SCEL: variants seen among roughly 807,000 people sequenced by gnomAD.
The protein encoded by SCEL is sciellin.
In SCEL, 113 loss-of-function variants were observed where a neutral mutation model predicts 117.6. The observed-to-expected ratio is 0.96, with a 90% CI of 0.83 to 1.12. The LOEUF is 1.12. Ranked by LOEUF, SCEL falls within the 50% of genes most tolerant of loss-of-function variation. The pLI, the probability that SCEL is intolerant of heterozygous loss-of-function variation, is 0.00. For missense variants in SCEL, 785 were observed against 810.8 expected (o/e 0.97, Z 0.39); for synonymous variants, 270 against 256.2 (o/e 1.05, Z -0.51).
At position 77,567,628 on chromosome 13, in the gene SCEL, A is replaced by G. The variant is rs918172021; in HGVS notation, c.291-52A>G. The G allele has an allele frequency of 5.0e-5, 62 of 1,248,644 alleles. No homozygotes were observed. In the Middle Eastern group the frequency reaches 1.9e-3, roughly 38 times the overall value. The allele number at this position is 1,248,644 out of a possible 1,614,324, so 77.3% of individuals were successfully genotyped here. ...TCTAGCATGAAAATGGTCTGAAAGG[A>G]GTTTGATAATTTAAATATTTATCCA... On this transcript the variant is annotated intron_variant, in intron 5 of 32. Coordinates refer to ENST00000349847, the MANE Select transcript of SCEL (RefSeq NM_144777.3).
intron 29 of SCEL, among the ~76,000 whole-genome samples, chr13:77,634,842 T>C (rs773145104): frequency 2.6e-5 from 4 of 152,166 alleles, no homozygotes; most frequent in Non-Finnish European, 5.9e-5. Context: ...CAATCTAAAA[T>C]AAGGGGTATA....
In SCEL at chr13:77,555,856, G is replaced by T; in HGVS notation, c.-19-1G>T. On this transcript the variant is annotated splice_acceptor_variant, in intron 1 of 32. Transcript: ENST00000349847. LOFTEE classifies it low-confidence loss of function (5UTR_SPLICE). ...TTCTCTATTTCCCATTTTTCTTTTA[G>T]GTCCTTACTGGAAGGCAGCATGTCC... 1 of 1,607,152 alleles carries T rather than the reference G, an allele frequency of 6.2e-7. No individual in the cohort carries two copies. The highest frequency in any genetic ancestry group is 8.5e-7 in the Non-Finnish European group (1 of 1,174,142).
rs1176622329 is a variant in SCEL at position 77,617,816 on chromosome 13, G to C, written c.1525G>C (p.Ala509Pro). ...FTNNQRNQDL[A>P]NLIKVNPAVI... ...TTTGATTTAAAGAAACCAAGATCTT[G>C]CTAACCTCATCAAAGTAAATCCTGC... The change falls in exon 26 of 33, where the codon GCT becomes CCT. Residue 509 changes from alanine to proline, a missense_variant. Transcript: ENST00000349847. 1.9e-6 allele frequency: 3 copies of C among 1,610,856 alleles called. No homozygotes were observed. Among genetic ancestry groups the C allele is most frequent in the Non-Finnish European group, 2.5e-6 (3 of 1,178,210 alleles).
rs186073739 is a variant in SCEL, at chr13:77,585,966, G to A, written c.546-3178G>A. On this transcript the variant is annotated intron_variant, in intron 9 of 32. Transcript: ENST00000349847. ...TATCACAGGGTCCGGATGAAGGTAGGGGTCTTGTTTGCTTCTCATCACCAC... is the reference window on the plus strand; with the variant it reads ...TATCACAGGGTCCGGATGAAGGTAGAGGTCTTGTTTGCTTCTCATCACCAC... Among the ~76,000 whole-genome samples, 241 of 152,184 alleles carry A rather than the reference G, an allele frequency of 1.6e-3. 1 individual carries two copies. The highest frequency in any genetic ancestry group is 5.4e-3 in the African/African-American group (223 of 41,524).
intron 18 of SCEL, 26 bp from the exon 19 acceptor site, chr13:77,604,330 A>G (rs915446588): frequency 2.1e-6 from 3 of 1,416,322 alleles, no homozygotes; most frequent in African/African-American, 1.5e-5. Flanking sequence ...AACATCATTC[A>G]TTAAAATTAA....
chr13:77,559,356 A>C (rs998344006), intron 3 of SCEL, among the ~76,000 whole-genome samples: 1 of 152,262 alleles, frequency 6.6e-6, no homozygotes, highest in Admixed American at 6.5e-5. Context: ...CATTTTATGA[A>C]GGAGAACTGT....
chr13:77,610,147 T>C lies in SCEL; in HGVS notation c.1337+41T>C, dbSNP rs200847333. ...CTCTCTATTTCTCCCCCCTTTTTTT[T>C]TCCTAATGAGCTTAAAAACATGACA... On this transcript the variant is annotated intron_variant, in intron 22 of 32. Coordinates refer to ENST00000349847, the MANE Select transcript of SCEL (RefSeq NM_144777.3). 74 of 1,441,132 alleles carry C rather than the reference T, an allele frequency of 5.1e-5. No homozygotes were observed. The Middle Eastern group carries it at 2.3e-3, about 44-fold the overall frequency. The allele number at this position is 1,441,132 out of a possible 1,614,324, so 89.3% of individuals were successfully genotyped here.
At chr13:77,602,222 A>G (rs1202999051) in intron 16 of SCEL, 98 bp downstream of exon 16, 25 of 989,342 alleles carry the variant, frequency 2.5e-5, no homozygotes, top group Non-Finnish European at 3.6e-5. Context: ...TGTGGCAGTG[A>G]ACTCTTGTAC....
intron 26 of SCEL, 53 bp downstream of exon 26, chr13:77,617,915 A>T: frequency 6.4e-7 from 1 of 1,573,838 alleles, no homozygotes; most frequent in South Asian, 1.1e-5. Flanking sequence ...GCCCTGGATG[A>T]AGTGGATTTA....
Position 77,556,580 on chromosome 13 carries a change from A to C in SCEL, c.44-16A>C, listed in dbSNP as rs760246526. ...ACACTATTACATCTTCCAGTCTTTC[A>C]TGTTTCTGTTGATAGAGATGAAGAG... On this transcript the variant is annotated splice_polypyrimidine_tract_variant and intron_variant, in intron 2 of 32. Transcript: ENST00000349847. 35 of 1,602,708 alleles carry C rather than the reference A, an allele frequency of 2.2e-5. No individual in the cohort carries two copies. In the South Asian group the frequency reaches 3.4e-4, roughly 16 times the overall value.
At chr13:77,626,004 T>C (rs1393837526) in intron 27 of SCEL, among the ~76,000 whole-genome samples, 4 of 152,210 alleles carry the variant, frequency 2.6e-5, no homozygotes. Flanking sequence ...CACCCACAAC[T>C]GTAGTCATTG....
At chr13:77,626,741 T>C (rs1723480488) in intron 27 of SCEL, among the ~76,000 whole-genome samples, 1 of 152,216 alleles carries the variant, frequency 6.6e-6, no homozygotes, top group African/African-American at 2.4e-5. Flanking sequence ...CATATGGAAC[T>C]GTAAGTCAAT....
At position 77,589,480 on chromosome 13, in the gene SCEL, GTGTT is replaced by G. The variant is rs772485134; in HGVS notation, c.626+260_626+263del. The stretch of plus-strand genomic sequence containing the variant: ...ATGGAACAATATTCATGTTCAGAAA[GTGTT>G]TGTACACAGACTTTTTATATATTTG... On this transcript the variant is annotated intron_variant, in intron 10 of 32. Coordinates refer to ENST00000349847, the MANE Select transcript of SCEL (RefSeq NM_144777.3). 2.4e-4 allele frequency among the ~76,000 whole-genome samples: 36 copies of G among 152,238 alleles called. No homozygotes were observed. In the Middle Eastern group the frequency reaches 0.01, roughly 43 times the overall value.
At chr13:77,618,286 T>C (rs2089211801) in intron 27 of SCEL, among the ~76,000 whole-genome samples, 1 of 152,056 alleles carries the variant, frequency 6.6e-6, no homozygotes, top group African/African-American at 2.4e-5. Context: ...GTTCAGGTGG[T>C]CCTCCTGCCT....
intron 32 of SCEL, among the ~76,000 whole-genome samples, chr13:77,643,199 C>A (rs1450767145): frequency 1.3e-5 from 2 of 151,998 alleles, no homozygotes; most frequent in African/African-American, 4.8e-5. Flanking sequence ...GCATTAAATG[C>A]TTTTGAATAT....
At position 77,591,471 on chromosome 13, in the gene SCEL, T is replaced by G; in HGVS notation, c.692+11T>G. 6.9e-7 allele frequency: 1 copy of G among 1,444,826 alleles called. No individual in the cohort carries two copies. Among genetic ancestry groups the G allele is most frequent in the Non-Finnish European group, 9.7e-7 (1 of 1,029,590 alleles). The allele number at this position is 1,444,826 out of a possible 1,614,324, so 89.5% of individuals were successfully genotyped here. On this transcript the variant is annotated intron_variant, in intron 11 of 32. Coordinates refer to ENST00000349847, the MANE Select transcript of SCEL (RefSeq NM_144777.3). Reference sequence around the variant, plus strand: ...TGAAAGAAATATAAGGTACACTGATTTCTATTTATATCTATGTAACTGTAG... The same window carrying G: ...TGAAAGAAATATAAGGTACACTGATGTCTATTTATATCTATGTAACTGTAG...
chr13:77,557,311 G>A (rs553573302), intron 3 of SCEL, among the ~76,000 whole-genome samples: 4 of 152,244 alleles, frequency 2.6e-5, no homozygotes, highest in African/African-American at 9.6e-5. Context: ...ATGGCCATAG[G>A]CATATAGCCT....
intron 30 of SCEL, 82 bp downstream of exon 30, chr13:77,637,276 A>T (rs2090328479): frequency 3.1e-6 from 1 of 325,456 alleles, no homozygotes; most frequent in African/African-American, 2.3e-5. Context: ...ATACACACAC[A>T]CAGGCACACA....
intron 22 of SCEL, among the ~76,000 whole-genome samples, chr13:77,612,115 A>G (rs1037557184): frequency 3.3e-5 from 5 of 152,180 alleles, no homozygotes; most frequent in African/African-American, 1.2e-4. Flanking sequence ...CCTAAAGATT[A>G]GTTAAAAGTC....
Sources: allele counts gnomAD v4.1 joint callset (sites outside exome capture counted in the v4.1 genomes callset), GRCh38; gene constraint gnomAD v4.1.1; transcripts MANE v1.5; gene names NCBI Gene and HGNC (gene_info 2026-07-23, HGNC 2026-07-21).